Variants in TMEM131L observed in about 807,000 individuals in gnomAD.
The protein encoded by TMEM131L is transmembrane protein 131-like.
Under a neutral mutation model 192.2 loss-of-function variants are expected in TMEM131L, and 54 were observed. That is an observed-to-expected ratio of 0.28 (90% confidence interval 0.23 to 0.35). The LOEUF (loss-of-function observed/expected upper bound fraction) is 0.35, where lower values mean the gene tolerates loss of function less well. TMEM131L is among the 10% of genes least tolerant of loss of function. The pLI, the probability that TMEM131L is intolerant of heterozygous loss-of-function variation, is 1.00. For missense variants in TMEM131L, 1,888 were observed against 1,972.9 expected, an observed-to-expected ratio of 0.96 and a Z score of 0.82; for synonymous variants, 701 against 704.9, an observed-to-expected ratio of 0.99 and a Z score of 0.09.
chr4:153,521,833 T>G (rs1392501655), intron 3 of TMEM131L, among the ~76,000 whole-genome samples: 1 of 150,976 alleles, frequency 6.6e-6, no homozygotes, highest in Non-Finnish European at 1.5e-5. Flanking sequence ...TCTTCAAGAT[T>G]TATCCATGTT....
intron 7 of TMEM131L, among the ~76,000 whole-genome samples, chr4:153,577,089 C>G (rs1388500693): frequency 1.3e-5 from 2 of 152,064 alleles, no homozygotes; most frequent in Non-Finnish European, 2.9e-5. Context: ...AAGCATAAAT[C>G]AGATTTAGCT....
chr4:153,623,075 T>C lies in TMEM131L; in HGVS notation c.4037T>C (p.Leu1346Pro), dbSNP rs1295273468. 16 of 1,599,736 alleles carry C rather than the reference T, an allele frequency of 1.0e-5. No individual in the cohort carries two copies. Among genetic ancestry groups the C allele is most frequent in the Non-Finnish European group, 1.3e-5 (15 of 1,173,466 alleles). ...KKPMVDAQHF[L>P]PAGDSVSQND... The stretch of plus-strand genomic sequence containing the variant: ...CCCATGGTGGACGCCCAGCACTTCC[T>C]GCCGGCCGGTGAGTCCTGAGCAGAG... Residue 1346 changes from leucine (L) to proline (P), a missense_variant, in exon 29 of 35, where the codon CTG (leucine) becomes CCG (proline). By Grantham distance (98) the Leu-to-Pro change is moderately conservative. Transcript: ENST00000409959.
chr4:153,629,749 G>GA (rs1201135210), intron 31 of TMEM131L, among the ~76,000 whole-genome samples: 1 of 152,208 alleles, frequency 6.6e-6, no homozygotes, highest in Admixed American at 6.5e-5. Context: ...GCCTGTGACA[G>GA]ACACTGGACG....
chr4:153,565,236 G>A (rs1729115187), intron 7 of TMEM131L, among the ~76,000 whole-genome samples: 1 of 152,182 alleles, frequency 6.6e-6, no homozygotes. Context: ...TCAATTTCGT[G>A]TTTAGTGCAT....
intron 15 of TMEM131L, among the ~76,000 whole-genome samples, chr4:153,588,639 C>T (rs1456682700): frequency 6.6e-6 from 1 of 151,942 alleles, no homozygotes; most frequent in Non-Finnish European, 1.5e-5. Flanking sequence ...ATTCATGAGC[C>T]ATGTGTCTTT....
intron 3 of TMEM131L, among the ~76,000 whole-genome samples, chr4:153,495,031 T>TA (rs1733068178): frequency 1.3e-5 from 2 of 152,154 alleles, no homozygotes; most frequent in South Asian, 4.1e-4. Flanking sequence ...AAGTTGGTTT[T>TA]ATGGCCAGGC....
intron 33 of TMEM131L, 97 bp downstream of exon 33, chr4:153,634,377 C>T: frequency 3.0e-6 from 3 of 1,004,550 alleles, no homozygotes; most frequent in Non-Finnish European, 3.1e-6. Context: ...TAACAGCGAG[C>T]AGACTTTGAG....
chr4:153,594,436 C>T (rs940864873), intron 19 of TMEM131L, among the ~76,000 whole-genome samples: 5 of 152,172 alleles, frequency 3.3e-5, no homozygotes, highest in African/African-American at 1.2e-4. Context: ...ACTTGGCAGC[C>T]TTACTTCTCA....
intron 4 of TMEM131L, among the ~76,000 whole-genome samples, chr4:153,552,025 A>G (rs957667459): frequency 2.6e-5 from 4 of 151,992 alleles, no homozygotes; most frequent in Non-Finnish European, 5.9e-5. Context: ...CGTGGCCAAC[A>G]TGGCAAAACC....
At chr4:153,617,541 A>C (rs1454099006) in intron 26 of TMEM131L, among the ~76,000 whole-genome samples, 1 of 152,170 alleles carries the variant, frequency 6.6e-6, no homozygotes, top group Admixed American at 6.5e-5. Context: ...TGGTTTTCTT[A>C]CTAGGGAAAG....
At chr4:153,534,473 G>T (rs536861444) in intron 3 of TMEM131L, among the ~76,000 whole-genome samples, 1 of 151,912 alleles carries the variant, frequency 6.6e-6, no homozygotes, top group Non-Finnish European at 1.5e-5. Flanking sequence ...TTGCTCTGTC[G>T]CCCAGGCTGG....
At chr4:153,557,712 TC>T (rs1728569443) in intron 6 of TMEM131L, among the ~76,000 whole-genome samples, 1 of 152,180 alleles carries the variant, frequency 6.6e-6, no homozygotes, top group Non-Finnish European at 1.5e-5. Flanking sequence ...ATTAAAGAGG[TC>T]CCATATCAGA....
At chr4:153,515,071 C>T (rs908984318) in intron 3 of TMEM131L, among the ~76,000 whole-genome samples, 2 of 152,214 alleles carry the variant, frequency 1.3e-5, no homozygotes, top group Non-Finnish European at 2.9e-5. Flanking sequence ...CTCGGCCTCC[C>T]GAAGTGCTGG....
At chr4:153,556,046 T>G (rs912877549) in intron 5 of TMEM131L, 136 bp downstream of exon 5, 1 of 814,166 alleles carries the variant, frequency 1.2e-6, no homozygotes, top group Admixed American at 3.4e-5. Flanking sequence ...CTTCTGTGTG[T>G]TTACCTTAGC....
intron 33 of TMEM131L, among the ~76,000 whole-genome samples, chr4:153,634,616 C>T (rs949334985): frequency 2.0e-5 from 3 of 152,274 alleles, no homozygotes; most frequent in Admixed American, 6.5e-5. Flanking sequence ...TTTAGCTGCT[C>T]GCTCTTCTTT....
chr4:153,515,539 T>G (rs1392506030), intron 3 of TMEM131L, among the ~76,000 whole-genome samples: 1 of 152,246 alleles, frequency 6.6e-6, no homozygotes. Context: ...TGTGAACATT[T>G]GTGTGCAAGT....
At chr4:153,607,011 A>G (rs1173049738) in intron 25 of TMEM131L, among the ~76,000 whole-genome samples, 2 of 152,242 alleles carry the variant, frequency 1.3e-5, no homozygotes, top group Non-Finnish European at 2.9e-5. Context: ...CGAGATGTTA[A>G]AAAGTGAATA....
chr4:153,494,929 C>T (rs906170416), intron 3 of TMEM131L, among the ~76,000 whole-genome samples: 1 of 152,100 alleles, frequency 6.6e-6, no homozygotes, highest in Admixed American at 6.6e-5. Flanking sequence ...CTGCGTGATC[C>T]GGGGAAGTGT....
chr4:153,498,547 A>G (rs757041002), intron 3 of TMEM131L, among the ~76,000 whole-genome samples: 10 of 151,864 alleles, frequency 6.6e-5, no homozygotes, highest in Non-Finnish European at 1.3e-4. Flanking sequence ...GTGTGTGTGT[A>G]TTTTTGGAGG....
Sources: allele counts gnomAD v4.1 joint callset (sites outside exome capture counted in the v4.1 genomes callset), GRCh38; gene constraint gnomAD v4.1.1; transcripts MANE v1.5; gene names NCBI Gene and HGNC (gene_info 2026-07-23, HGNC 2026-07-21).